RERE: variants seen among roughly 807,000 people sequenced by gnomAD.
RERE encodes the protein arginine-glutamic acid dipeptide repeats.
In RERE, 40 loss-of-function variants were observed where a neutral mutation model predicts 146.1. That is an observed-to-expected ratio of 0.27 (90% confidence interval 0.21 to 0.36). The LOEUF (loss-of-function observed/expected upper bound fraction) is 0.36. Ranked by LOEUF, RERE falls within the 10% of genes least tolerant of loss-of-function variation. RERE has a pLI of 1.00. For missense variants in RERE, 1,933 were observed against 2,138.7 expected, an observed-to-expected ratio of 0.90 and a Z score of 1.90; for synonymous variants, 1,003 against 866.0, an observed-to-expected ratio of 1.16 and a Z score of -2.78.
At chr1:8,735,643 G>A (rs760845054) in intron 1 of RERE, among the ~76,000 whole-genome samples, 1 of 152,138 alleles carries the variant, frequency 6.6e-6, no homozygotes, top group African/African-American at 2.4e-5. Flanking sequence ...AGTGTTGGAG[G>A]TGGGGCCCGG....
intron 2 of RERE, among the ~76,000 whole-genome samples, chr1:8,639,934 C>T (rs1034071109): frequency 6.6e-6 from 1 of 151,968 alleles, no homozygotes; most frequent in Admixed American, 6.6e-5. Flanking sequence ...TGCTTTAGAG[C>T]CAAGTTATAC....
Position 8,595,683 on chromosome 1 carries a change from A to G in RERE, c.522+18878T>C, listed in dbSNP as rs79315887. 2.6e-5 allele frequency among the ~76,000 whole-genome samples: 4 copies of G among 152,210 alleles called. No individual in the cohort carries two copies. The East Asian group carries it at 7.7e-4, about 29-fold the overall frequency. On this transcript the variant is annotated intron_variant, in intron 4 of 22. Coordinates refer to ENST00000400908, the MANE Select transcript of RERE (RefSeq NM_001042681.2). Reference sequence around the variant, plus strand: ...ATTTAAACATGTTATAAAAATCCTTAAAGATCATTAGTAAAAATGAGTTCT... The same window carrying G: ...ATTTAAACATGTTATAAAAATCCTTGAAGATCATTAGTAAAAATGAGTTCT...
chr1:8,374,949 T>G (rs1003514354), intron 12 of RERE, among the ~76,000 whole-genome samples: 2 of 152,028 alleles, frequency 1.3e-5, no homozygotes, highest in African/African-American at 4.8e-5. Flanking sequence ...ATTTGCTGCC[T>G]TCTTCTCCAT....
chr1:8,427,876 T>C (rs548708056), intron 11 of RERE, among the ~76,000 whole-genome samples: 5 of 152,324 alleles, frequency 3.3e-5, no homozygotes, highest in Admixed American at 3.3e-4. Flanking sequence ...TGCGGCTGTC[T>C]CCTTTCCCTC....
chr1:8,408,174 C>T (rs1370787348), intron 12 of RERE, among the ~76,000 whole-genome samples: 1 of 151,796 alleles, frequency 6.6e-6, no homozygotes, highest in East Asian at 1.9e-4. Flanking sequence ...TAATAAAACG[C>T]TTAACCTTGG....
At chr1:8,702,377 A>C (rs1639472041) in intron 1 of RERE, among the ~76,000 whole-genome samples, 1 of 152,248 alleles carries the variant, frequency 6.6e-6, no homozygotes, top group East Asian at 1.9e-4. Flanking sequence ...TCAGCAAACA[A>C]AAAGTGGTCA....
At chr1:8,386,302 A>G (rs1250023669) in intron 12 of RERE, among the ~76,000 whole-genome samples, 3 of 151,604 alleles carry the variant, frequency 2.0e-5, no homozygotes, top group East Asian at 4.0e-4. Flanking sequence ...AGAATAAAAT[A>G]GAGCCAAGAG....
intron 1 of RERE, among the ~76,000 whole-genome samples, chr1:8,789,516 A>G (rs1641326130): frequency 1.3e-5 from 2 of 151,160 alleles, no homozygotes; most frequent in Admixed American, 1.3e-4. Context: ...TGACCAATAC[A>G]CTTCCCATCC....
At chr1:8,359,713 G>A (rs1346793099) in intron 19 of RERE, 51 bp downstream of exon 19, 2 of 1,579,222 alleles carry the variant, frequency 1.3e-6, no homozygotes, top group Non-Finnish European at 1.7e-6. Flanking sequence ...TGGCTCCCAG[G>A]CGCAGGATGG....
intron 1 of RERE, among the ~76,000 whole-genome samples, chr1:8,747,050 C>T (rs991669670): frequency 6.6e-6 from 1 of 151,806 alleles, no homozygotes; most frequent in Non-Finnish European, 1.5e-5. Flanking sequence ...CTCGCTCTGT[C>T]GCCCAGGCTG....
Position 8,769,149 on chromosome 1 carries a change from T to C in RERE, c.-145+48011A>G, listed in dbSNP as rs140626208. Among the ~76,000 whole-genome samples, 364 of 152,296 alleles carry C rather than the reference T, an allele frequency of 2.4e-3. 1 individual carries two copies. Among genetic ancestry groups the C allele is most frequent in the African/African-American group, 8.0e-3 (331 of 41,568 alleles). On this transcript the variant is annotated intron_variant, in intron 1 of 22. Transcript: ENST00000400908. ...TACCTCACATAGTAAATCATTGATT[T>C]GAGTAAATGTTTTTTACCCAATGAT...
intron 10 of RERE, among the ~76,000 whole-genome samples, chr1:8,482,681 C>CCA (rs1644851433): frequency 7.8e-5 from 4 of 51,212 alleles, no homozygotes; most frequent in Admixed American, 3.0e-4. Context: ...GATTCTGTTG[C>CCA]AAAAAAAAAA....
In RERE at chr1:8,739,891, T is replaced by C. The variant is rs117264118; in HGVS notation, c.-145+77269A>G. ...ATAAATAATATATTATTGTTAATAATAGTGTTAATCCCCCCGTCCAGTTTT... is the reference window on the plus strand; with the variant it reads ...ATAAATAATATATTATTGTTAATAACAGTGTTAATCCCCCCGTCCAGTTTT... On this transcript the variant is annotated intron_variant, in intron 1 of 22. Coordinates refer to ENST00000400908, the MANE Select transcript of RERE (RefSeq NM_001042681.2). 2.8e-4 allele frequency among the ~76,000 whole-genome samples: 42 copies of C among 151,104 alleles called. 2 individuals are homozygous for C. In the East Asian group the frequency reaches 7.7e-3, roughly 28 times the overall value.
intron 4 of RERE, among the ~76,000 whole-genome samples, chr1:8,601,488 G>GACAAGACTT (rs1646624991): frequency 6.6e-6 from 1 of 152,100 alleles, no homozygotes; most frequent in Non-Finnish European, 1.5e-5. Flanking sequence ...TCACTGTGGT[G>GACAAGACTT]ACAAGACTGT....
intron 4 of RERE, among the ~76,000 whole-genome samples, chr1:8,566,746 A>G (rs770393483): frequency 6.6e-6 from 1 of 152,178 alleles, no homozygotes; most frequent in Non-Finnish European, 1.5e-5. Flanking sequence ...GGTACATCCA[A>G]TATATAGCAG....
chr1:8,792,795 T>TACACTGTTAAA (rs1222762014), intron 1 of RERE, among the ~76,000 whole-genome samples: 1 of 152,168 alleles, frequency 6.6e-6, no homozygotes, highest in Non-Finnish European at 1.5e-5. Flanking sequence ...AACAGTGTCT[T>TACACTGTTAAA]ACATCGGGTA....
At chr1:8,750,326 G>A (rs1640507192) in intron 1 of RERE, 1 of 585,428 alleles carries the variant, frequency 1.7e-6, no homozygotes, top group South Asian at 2.0e-5. Flanking sequence ...GACTTGGGTG[G>A]TAAAGTGCTA....
At chr1:8,744,449 T>C (rs1640379324) in intron 1 of RERE, among the ~76,000 whole-genome samples, 1 of 152,194 alleles carries the variant, frequency 6.6e-6, no homozygotes, top group South Asian at 2.1e-4. Flanking sequence ...ATACAACTCT[T>C]CACAAACACT....
rs749107634 is a variant in RERE, at chr1:8,362,859, C to T, written c.1741-15G>A. On this transcript the variant is annotated splice_polypyrimidine_tract_variant and intron_variant, in intron 15 of 22. Transcript: ENST00000400908. ...AGTGTCGACATCTGCCCACCCAAAC[C>T]GAAGACTGGTGACACCAGATTCCCA... The T allele has an allele frequency of 1.0e-5, 16 of 1,601,406 alleles. No homozygotes were observed. Among genetic ancestry groups the T allele is most frequent in the East Asian group, 4.5e-5 (2 of 44,822 alleles).
Sources: allele counts gnomAD v4.1 joint callset (sites outside exome capture counted in the v4.1 genomes callset), GRCh38; gene constraint gnomAD v4.1.1; transcripts MANE v1.5; gene names NCBI Gene and HGNC (gene_info 2026-07-23, HGNC 2026-07-21).